Variants in YY1AP1 observed in about 807,000 individuals in gnomAD.
The protein encoded by YY1AP1 is YY1 associated protein 1, also known as YY1-associated protein 1.
A neutral mutation model predicts 39.9 loss-of-function variants in YY1AP1; 43 were observed. That is an observed-to-expected ratio of 1.08 (90% CI 0.84 to 1.39). YY1AP1 has a LOEUF of 1.39. YY1AP1 is among the 40% of genes most tolerant of loss of function. YY1AP1 has a pLI of 0.00. For synonymous variants in YY1AP1, 292 were observed against 331.3 expected (o/e 0.88, Z 1.29); for missense variants, 813 against 900.7 (o/e 0.90, Z 1.25).
At chr1:155,674,815 G>C in intron 6 of YY1AP1, 195 bp downstream of exon 6, 1 of 473,702 alleles carries the variant, frequency 2.1e-6, no homozygotes, top group South Asian at 2.3e-5. Context: ...GAAAGAGCAA[G>C]ACCCTGTCTC....
chr1:155,674,231 TAAA>T (rs1036777558), intron 6 of YY1AP1, among the ~76,000 whole-genome samples: 1 of 142,442 alleles, frequency 7.0e-6, no homozygotes, highest in African/African-American at 2.6e-5. Flanking sequence ...GCTCTACACA[TAAA>T]ACACTAATAT....
Position 155,659,467 on chromosome 1 carries a change from GCA to G in YY1AP1, c.*188_*189del, listed in dbSNP as rs918106345. On this transcript the variant is annotated 3_prime_UTR_variant, in exon 11 of 11. Coordinates refer to ENST00000355499, the MANE Select transcript of YY1AP1 (RefSeq NM_139119.3). ...TCAATGAAACAATGAAGCAATAAAA[GCA>G]CAGATTTATTGAAGCAAAAGTATAT... 3.2e-6 allele frequency: 2 copies of G among 627,162 alleles called. No individual in the cohort carries two copies. The highest frequency in any genetic ancestry group is 2.6e-5 in the East Asian group (1 of 37,786). 38.8% of individuals were successfully genotyped at this position (627,162 alleles called of 1,614,324 possible). A position where few individuals can be genotyped will look rare whatever the true frequency, so the allele number is the denominator to read the frequency against.
In YY1AP1 at chr1:155,676,665, T is replaced by C; in HGVS notation, c.207A>G (p.Lys69=). 1 of 1,614,126 alleles carries C rather than the reference T, an allele frequency of 6.2e-7. No individual in the cohort carries two copies. The highest frequency in any genetic ancestry group is 8.5e-7 in the Non-Finnish European group (1 of 1,180,018). The part of the protein sequence containing the change: ...KELFEQLKMK[K]PSAKQQKEVE... The stretch of plus-strand genomic sequence containing the variant: ...CCTCCTTCTGCTGTTTGGCTGAAGG[T>C]TTCTTCATCTTCAGCTGTTCAAATA... Residue 69 remains lysine (K), a synonymous_variant, in exon 5 of 11, where the codon AAA becomes AAG. Coordinates refer to ENST00000355499, the MANE Select transcript of YY1AP1 (RefSeq NM_139119.3).
At chr1:155,668,924 C>CGTGAT in intron 8 of YY1AP1, 147 bp from the exon 9 acceptor site, 1 of 1,175,902 alleles carries the variant, frequency 8.5e-7, no homozygotes, top group Middle Eastern at 2.3e-4. Flanking sequence ...AGTGCAGTGG[C>CGTGAT]GTGATCGCAG....
chr1:155,683,043 G>A lies in YY1AP1; in HGVS notation c.-20-2587C>T, dbSNP rs555706706. Among the ~76,000 whole-genome samples the A allele has an allele frequency of 2.2e-4, 33 of 151,484 alleles. No individual in the cohort carries two copies. In the South Asian group the frequency reaches 6.7e-3, roughly 31 times the overall value. On this transcript the variant is annotated intron_variant, in intron 2 of 10. Coordinates refer to ENST00000355499, the MANE Select transcript of YY1AP1 (RefSeq NM_139119.3). Reference sequence around the variant, plus strand: ...GGAGGTTGCAGTGAGCCGAGATTGCGCCATTGCACTCCAGCCTGGGCGACA... The same window carrying A: ...GGAGGTTGCAGTGAGCCGAGATTGCACCATTGCACTCCAGCCTGGGCGACA...
At chr1:155,682,703 C>G (rs1435006438) in intron 2 of YY1AP1, among the ~76,000 whole-genome samples, 2 of 152,088 alleles carry the variant, frequency 1.3e-5, no homozygotes, top group African/African-American at 2.4e-5. Flanking sequence ...CACTGACATC[C>G]CAAAGGACAA....
chr1:155,677,121 T>C (rs993426687), intron 4 of YY1AP1, among the ~76,000 whole-genome samples: 21 of 152,156 alleles, frequency 1.4e-4, no homozygotes, highest in African/African-American at 4.8e-4. Context: ...GGGATGTTAC[T>C]CCCATCCCAG....
At chr1:155,671,362 C>A (rs186125941) in intron 7 of YY1AP1, among the ~76,000 whole-genome samples, 2,345 of 150,882 alleles carry the variant, frequency 0.016, 31 homozygotes, top group Non-Finnish European at 0.021. Flanking sequence ...ACCTGGGAGG[C>A]GGAGGTTGCA....
At position 155,660,797 on chromosome 1, in the gene YY1AP1, G is replaced by A. The variant is rs890637690; in HGVS notation, c.1113C>T (p.Asn371=). ...INSDQGLEKD[N]SELGSETRYP... ...ACCGAGTTTCACTCCCCAACTCTGA[G>A]TTGTCTTTTTCTAGGCCTTGATCTG... The change falls in exon 11 of 11, where the codon AAC becomes AAT. Residue 371 remains asparagine, a synonymous_variant. Transcript: ENST00000355499. The A allele has an allele frequency of 5.0e-6, 8 of 1,614,100 alleles. No homozygotes were observed. In the African/African-American group the frequency reaches 6.7e-5, roughly 13 times the overall value.
intron 9 of YY1AP1, among the ~76,000 whole-genome samples, chr1:155,661,779 C>T (rs990248537): frequency 2.0e-5 from 3 of 152,184 alleles, no homozygotes; most frequent in Admixed American, 2.0e-4. Flanking sequence ...CCTCAGCCTC[C>T]GGAGTAGCTG....
At chr1:155,685,864 C>T (rs563121176) in intron 2 of YY1AP1, among the ~76,000 whole-genome samples, 1 of 152,204 alleles carries the variant, frequency 6.6e-6, no homozygotes, top group African/African-American at 2.4e-5. Flanking sequence ...ATCCGATTCT[C>T]TGAAGGATAA....
intron 9 of YY1AP1, among the ~76,000 whole-genome samples, chr1:155,666,941 A>T (rs1175141865): frequency 6.6e-6 from 1 of 152,206 alleles, no homozygotes; most frequent in Non-Finnish European, 1.5e-5. Flanking sequence ...TGGAGGTTGC[A>T]GTGAGCTAAA....
At chr1:155,668,501 T>C in intron 9 of YY1AP1, 126 bp downstream of exon 9, 4 of 1,439,820 alleles carry the variant, frequency 2.8e-6, no homozygotes, top group Non-Finnish European at 3.9e-6. Flanking sequence ...GGAATTAATC[T>C]AGTATATAAG....
At chr1:155,685,262 AAT>A (rs1328701634) in intron 2 of YY1AP1, among the ~76,000 whole-genome samples, 1 of 152,330 alleles carries the variant, frequency 6.6e-6, no homozygotes, top group East Asian at 1.9e-4. Flanking sequence ...AGCTTCTAGG[AAT>A]ATGTTTCCCT....
chr1:155,678,643 T>C (rs1651069142), intron 4 of YY1AP1, among the ~76,000 whole-genome samples: 1 of 152,188 alleles, frequency 6.6e-6, no homozygotes. Flanking sequence ...TTTTAAGACA[T>C]TGGTTGGCCT....
At chr1:155,688,881 G>A (rs512551), upstream of YY1AP1, 19,131 of 1,610,740 alleles carry the variant, frequency 0.012, 2,070 homozygotes, top group African/African-American at 0.23. Context: ...CTGGCTTGCC[G>A]TTTGACTGGA....
intron 8 of YY1AP1, 37 bp from the exon 9 acceptor site, chr1:155,668,814 A>G: frequency 1.9e-6 from 3 of 1,613,996 alleles, no homozygotes; most frequent in Non-Finnish European, 2.5e-6. Context: ...CTCACTTCAC[A>G]GTCCTTCCTT....
rs1199834022 is a variant in YY1AP1 at position 155,678,314 on chromosome 1, G to A, written c.125+1095C>T. ...CGTTTAATGATAGATTTCACAGAGG[G>A]TATGACCATGAGATGATATATGACT... On this transcript the variant is annotated intron_variant, in intron 4 of 10. Transcript: ENST00000355499. 2.0e-5 allele frequency among the ~76,000 whole-genome samples: 3 copies of A among 152,182 alleles called. No individual in the cohort carries two copies. The East Asian group carries it at 5.8e-4, about 29-fold the overall frequency.
chr1:155,676,542 T>C lies in YY1AP1; in HGVS notation c.324+6A>G. On this transcript the variant is annotated splice_donor_region_variant and intron_variant, in intron 5 of 10. Transcript: ENST00000355499. Reference sequence around the variant, plus strand: ...TCAATATTAATATGACCAAGGAAAGTGTTACCTGCTGCATCTGCTGCTGGA... The same window carrying C: ...TCAATATTAATATGACCAAGGAAAGCGTTACCTGCTGCATCTGCTGCTGGA... 1.9e-6 allele frequency: 3 copies of C among 1,614,090 alleles called. No individual in the cohort carries two copies. The highest frequency in any genetic ancestry group is 1.7e-6 in the Non-Finnish European group (2 of 1,179,946).
Sources: gnomAD v4.1 joint callset for allele counts (sites outside exome capture counted in the v4.1 genomes callset) on GRCh38, gnomAD v4.1.1 for gene constraint, MANE v1.5 for transcripts, NCBI Gene and HGNC (gene_info 2026-07-23, HGNC 2026-07-21) for gene names.